The following AKAP11 variants were observed in gnomAD, a reference collection of about 807,000 sequenced individuals.
The protein encoded by AKAP11 is A-kinase anchor protein 11.
In AKAP11, 36 loss-of-function variants were observed where a neutral mutation model predicts 146.1. That is an observed-to-expected ratio of 0.25 (90% CI 0.19 to 0.33). The LOEUF (loss-of-function observed/expected upper bound fraction) is 0.33. Ranked by LOEUF, AKAP11 falls within the 10% of genes least tolerant of loss-of-function variation. The pLI, the probability that AKAP11 is intolerant of heterozygous loss-of-function variation, is 1.00. For missense variants in AKAP11, 2,201 were observed against 2,197.0 expected (o/e 1.00, Z -0.04); for synonymous variants, 780 against 786.5 (o/e 0.99, Z 0.14).
upstream of AKAP11, among the ~76,000 whole-genome samples, chr13:42,271,969 A>T (rs1958776096): frequency 2.7e-5 from 4 of 150,564 alleles, no homozygotes; most frequent in Non-Finnish European, 1.5e-5. Flanking sequence ...TCGGCCGCGG[A>T]ATTTTTCTCG....
Position 42,302,220 on chromosome 13 carries a change from A to G in AKAP11, c.3474A>G (p.Glu1158=). 6.2e-7 allele frequency: 1 copy of G among 1,614,212 alleles called. No homozygotes were observed. The highest frequency in any genetic ancestry group is 1.1e-5 in the South Asian group (1 of 91,080). The part of the protein sequence containing the change: ...SLSENEQNTI[E]KEEFMLKLMR... Reference sequence around the variant, plus strand: ...CTGAGAATGAACAAAATACTATAGAAAAAGAAGAGTTCATGTTGAAACTCA... The same window carrying G: ...CTGAGAATGAACAAAATACTATAGAGAAAGAAGAGTTCATGTTGAAACTCA... The change falls in exon 8 of 13, where the codon GAA becomes GAG. Residue 1158 remains glutamate, a synonymous_variant. Coordinates refer to ENST00000025301, the MANE Select transcript of AKAP11 (RefSeq NM_016248.4).
At chr13:42,289,204 T>C (rs1268038350) in intron 3 of AKAP11, among the ~76,000 whole-genome samples, 2 of 152,204 alleles carry the variant, frequency 1.3e-5, no homozygotes, top group Non-Finnish European at 2.9e-5. Context: ...TTCCTAATTC[T>C]ACCATTCCTT....
At chr13:42,292,529 T>C (rs1399982490) in intron 4 of AKAP11, 28 bp downstream of exon 4, 2 of 1,354,324 alleles carry the variant, frequency 1.5e-6, no homozygotes, top group Admixed American at 1.8e-5. Context: ...CTAAACCCTT[T>C]CCTAATAATG....
intron 1 of AKAP11, among the ~76,000 whole-genome samples, chr13:42,282,070 G>A (rs952268408): frequency 2.6e-5 from 4 of 150,996 alleles, no homozygotes; most frequent in Non-Finnish European, 5.9e-5. Flanking sequence ...TTGGGTTCAA[G>A]CAATTCTTGT....
chr13:42,278,882 T>A (rs1958989413), intron 1 of AKAP11, among the ~76,000 whole-genome samples: 1 of 152,120 alleles, frequency 6.6e-6, no homozygotes, highest in Admixed American at 6.5e-5. Context: ...TAAATTTATT[T>A]TGCCTTAATT....
At chr13:42,298,467 G>C in intron 6 of AKAP11, 66 bp from the exon 7 acceptor site, 1 of 1,520,892 alleles carries the variant, frequency 6.6e-7, no homozygotes, top group Admixed American at 1.9e-5. Flanking sequence ...TTATATCTAG[G>C]CTTTACTTCA....
chr13:42,275,654 C>G (rs536802504), intron 1 of AKAP11, among the ~76,000 whole-genome samples: 6 of 152,278 alleles, frequency 3.9e-5, no homozygotes, highest in African/African-American at 1.4e-4. Flanking sequence ...CAGATCTAAC[C>G]AGTAGTCTCT....
At chr13:42,275,525 A>G (rs1958896846) in intron 1 of AKAP11, among the ~76,000 whole-genome samples, 2 of 152,224 alleles carry the variant, frequency 1.3e-5, no homozygotes, top group Non-Finnish European at 2.9e-5. Flanking sequence ...CATATTTAAC[A>G]AAAGGAGAGT....
In AKAP11 at chr13:42,301,608, C is replaced by A; in HGVS notation, c.2862C>A (p.Ser954Arg). 1.2e-6 allele frequency: 2 copies of A among 1,614,030 alleles called. No homozygotes were observed. The highest frequency in any genetic ancestry group is 1.1e-5 in the South Asian group (1 of 91,074). Residue 954 changes from serine (S) to arginine (R), a missense_variant, in exon 8 of 13, where the codon AGC becomes AGA. Ser to Arg is a moderately radical substitution (Grantham distance 110). This residue lies in a region of AKAP11 where 1,867 missense variants were observed against 1,833.5 expected (regional missense o/e 1.02). Transcript: ENST00000025301. The stretch of plus-strand genomic sequence containing the variant: ...TTATTAAACATTCCATAGATAAGAG[C>A]AAATCAGTGATCCCAAATATAGATA... ...KSIIKHSIDK[S>R]KSVIPNIDKN...
chr13:42,303,404 A>C lies in AKAP11; in HGVS notation c.4658A>C (p.Glu1553Ala), dbSNP rs755946328. Residue 1553 changes from glutamate (E) to alanine (A), a missense_variant, in exon 8 of 13, where the codon GAG (glutamate) becomes GCG (alanine). Physicochemically the swap from Glu to Ala is moderately radical, Grantham distance 107 (BLOSUM62 -1). This residue lies in a region of AKAP11 where 1,867 missense variants were observed against 1,833.5 expected (regional missense o/e 1.02). Coordinates refer to ENST00000025301, the MANE Select transcript of AKAP11 (RefSeq NM_016248.4). ...AAAAAAGTAGTGGATGACACTCTAG[A>C]GCTAACTCTAGGATCTACAGTGTTC... ...YAKKVVDDTL[E>A]LTLGSTVFRV... 6.2e-7 allele frequency: 1 copy of C among 1,614,004 alleles called. No homozygotes were observed. The highest frequency in any genetic ancestry group is 8.5e-7 in the Non-Finnish European group (1 of 1,180,024).
At chr13:42,314,554 TAAAATTCTTACTCATGTTATAAG>T (rs1462232053) in intron 11 of AKAP11, among the ~76,000 whole-genome samples, 2 of 151,948 alleles carry the variant, frequency 1.3e-5, no homozygotes, top group Non-Finnish European at 2.9e-5. Flanking sequence ...ATACAAAAGC[TAAAATTCTTACTCATGTTATAAG>T]ATAATTTATT....
In AKAP11 at chr13:42,302,601, AAAG is replaced by A. The variant is rs1390966872; in HGVS notation, c.3861_3863del (p.Lys1287del). The A allele has an allele frequency of 1.9e-5, 30 of 1,614,178 alleles. 1 individual carries two copies. Among genetic ancestry groups the A allele is most frequent in the African/African-American group, 1.7e-4 (13 of 75,060 alleles). ...TCCGAAATTGTATGCTTTTCAAGCA[AAAG>A]AAGAACAGTTGTTATGCTGATGGTG... On this transcript the variant is annotated inframe_deletion, in exon 8 of 13. Coordinates refer to ENST00000025301, the MANE Select transcript of AKAP11 (RefSeq NM_016248.4).
chr13:42,316,970 T>C (rs1296731301), intron 11 of AKAP11, among the ~76,000 whole-genome samples: 2 of 152,148 alleles, frequency 1.3e-5, no homozygotes, highest in African/African-American at 2.4e-5. Context: ...CTCTGCCTCC[T>C]GGGTTCCAGC....
At chr13:42,293,943 C>T (rs1959350547) in intron 4 of AKAP11, among the ~76,000 whole-genome samples, 1 of 152,178 alleles carries the variant, frequency 6.6e-6, no homozygotes, top group Admixed American at 6.5e-5. Context: ...CTTTCCTCTA[C>T]ATTATCCAGT....
intron 1 of AKAP11, among the ~76,000 whole-genome samples, chr13:42,276,159 A>G (rs1958912608): frequency 6.6e-6 from 1 of 152,122 alleles, no homozygotes; most frequent in African/African-American, 2.4e-5. Context: ...GGTTCTCTAT[A>G]TGTGGATTAT....
At chr13:42,314,446 TAAAAAAAAA>T (rs59968668) in intron 11 of AKAP11, among the ~76,000 whole-genome samples, 8 of 124,770 alleles carry the variant, frequency 6.4e-5, no homozygotes, top group African/African-American at 6.1e-5. Flanking sequence ...GACTCTGACT[TAAAAAAAAA>T]AAAAAAAAAA....
chr13:42,320,002 T>C lies in AKAP11; in HGVS notation c.*774T>C, dbSNP rs928873648. ...TGTTCCCTCTTTTATTTTACTGTTT[T>C]CTTTTTAGAAACCCACTGTTAAAAT... On this transcript the variant is annotated 3_prime_UTR_variant, in exon 13 of 13. Coordinates refer to ENST00000025301, the MANE Select transcript of AKAP11 (RefSeq NM_016248.4). 20 of 152,508 alleles carry C rather than the reference T, an allele frequency of 1.3e-4. No individual in the cohort carries two copies. Among genetic ancestry groups the C allele is most frequent in the African/African-American group, 4.6e-4 (19 of 41,466 alleles). The allele number at this position is 152,508 out of a possible 1,614,324, so 9.4% of individuals were successfully genotyped here.
chr13:42,311,492 G>A (rs1207904946), intron 9 of AKAP11, among the ~76,000 whole-genome samples: 1 of 152,098 alleles, frequency 6.6e-6, no homozygotes, highest in East Asian at 1.9e-4. Context: ...GTTAGAAGTG[G>A]CATTTTATGA....
Position 42,319,463 on chromosome 13 carries a change from A to G in AKAP11, c.*235A>G, listed in dbSNP as rs1307263560. ...TTCTATACACATGTGTAGTGTGTCA[A>G]GACCCTAAGAACATGTATTTGAAGG... On this transcript the variant is annotated 3_prime_UTR_variant, in exon 13 of 13. Coordinates refer to ENST00000025301, the MANE Select transcript of AKAP11 (RefSeq NM_016248.4). The G allele has an allele frequency of 1.1e-5, 5 of 454,300 alleles. No individual in the cohort carries two copies. The highest frequency in any genetic ancestry group is 6.1e-5 in the African/African-American group (3 of 49,542). The allele number at this position is 454,300 out of a possible 1,614,324, so 28.1% of individuals were successfully genotyped here. A position where few individuals can be genotyped will look rare whatever the true frequency, so the allele number is the denominator to read the frequency against.
Sources: allele counts gnomAD v4.1 joint callset (sites outside exome capture counted in the v4.1 genomes callset), GRCh38; gene constraint gnomAD v4.1.1; regional missense constraint gnomAD v4.1.1; transcripts MANE v1.5; gene names NCBI Gene and HGNC (gene_info 2026-07-23, HGNC 2026-07-21).